The following PKHD1 variants were observed in gnomAD, a reference collection of about 807,000 sequenced individuals.
PKHD1 encodes PKHD1 ciliary IPT domain containing fibrocystin/polyductin, also known as fibrocystin.
In PKHD1, 291 loss-of-function variants were observed where a neutral mutation model predicts 412.0. That is an observed-to-expected ratio of 0.71 (90% CI 0.64 to 0.78). PKHD1 has a LOEUF of 0.78. Ranked by LOEUF, PKHD1 falls within the 30% of genes least tolerant of loss-of-function variation. The pLI is 0.00. For synonymous variants in PKHD1, 1,777 were observed against 1,821.5 expected (o/e 0.98, Z 0.62); for missense variants, 4,825 against 4,950.7 (o/e 0.97, Z 0.76).
chr6:52,055,220 AT>A (rs112991844), intron 19 of PKHD1, among the ~76,000 whole-genome samples: 13 of 152,332 alleles, frequency 8.5e-5, no homozygotes, highest in African/African-American at 2.6e-4. Context: ...AGATGAGTAA[AT>A]GAAGGCATAC....
intron 60 of PKHD1, among the ~76,000 whole-genome samples, chr6:51,716,381 T>C (rs1408460438): frequency 6.6e-6 from 1 of 152,186 alleles, no homozygotes; most frequent in Non-Finnish European, 1.5e-5. Context: ...CATTATCAAC[T>C]TTAAAAAGCT....
intron 52 of PKHD1, among the ~76,000 whole-genome samples, chr6:51,792,009 T>C (rs1241229471): frequency 6.6e-6 from 1 of 152,218 alleles, no homozygotes; most frequent in Non-Finnish European, 1.5e-5. Flanking sequence ...TGGTGCATGC[T>C]TAATAAACGC....
chr6:51,813,580 C>T (rs1277189088), intron 52 of PKHD1, among the ~76,000 whole-genome samples: 3 of 151,940 alleles, frequency 2.0e-5, no homozygotes, highest in Admixed American at 1.3e-4. Flanking sequence ...TTGTGGCCTT[C>T]TGATTTTAAC....
chr6:51,891,960 G>A (rs1779192775), intron 43 of PKHD1, among the ~76,000 whole-genome samples: 1 of 152,120 alleles, frequency 6.6e-6, no homozygotes, highest in African/African-American at 2.4e-5. Context: ...GGTCAGGGAG[G>A]CCAGCACATA....
chr6:51,862,925 A>C (rs1293457838), intron 48 of PKHD1, among the ~76,000 whole-genome samples: 1 of 152,190 alleles, frequency 6.6e-6, no homozygotes, highest in Non-Finnish European at 1.5e-5. Flanking sequence ...TACATTACCT[A>C]ATTCCCTTGC....
intron 5 of PKHD1, among the ~76,000 whole-genome samples, chr6:52,078,655 T>C (rs530062331): frequency 1.3e-5 from 2 of 152,196 alleles, no homozygotes; most frequent in Non-Finnish European, 2.9e-5. Flanking sequence ...TTGTTTTCTT[T>C]CATGTGCAAT....
chr6:51,844,781 C>A (rs905644629), intron 50 of PKHD1, among the ~76,000 whole-genome samples: 15 of 152,136 alleles, frequency 9.9e-5, no homozygotes, highest in Non-Finnish European at 2.1e-4. Context: ...GTCAGTGAAG[C>A]AGCACTCTGA....
chr6:51,632,170 C>T (rs1311894714), intron 65 of PKHD1, among the ~76,000 whole-genome samples: 1 of 151,990 alleles, frequency 6.6e-6, no homozygotes, highest in Non-Finnish European at 1.5e-5. Context: ...TCTCGAAATC[C>T]TAACCTCAGG....
Position 51,885,854 on chromosome 6 carries a change from C to T in PKHD1, c.7215+13G>A. On this transcript the variant is annotated intron_variant, in intron 45 of 66. Transcript: ENST00000371117. ...AAAACAACAACAATAACAACAACAA[C>T]AAAAAAGCTTACCTGGGCACCACCT... The T allele has an allele frequency of 2.6e-6, 4 of 1,552,730 alleles. No individual in the cohort carries two copies. The highest frequency in any genetic ancestry group is 2.7e-6 in the Non-Finnish European group (3 of 1,126,406).
intron 49 of PKHD1, among the ~76,000 whole-genome samples, chr6:51,849,281 T>G (rs1375208196): frequency 6.6e-6 from 1 of 152,214 alleles, no homozygotes; most frequent in Non-Finnish European, 1.5e-5. Context: ...ATGTACCACA[T>G]TTTCTTTATC....
chr6:51,659,849 T>G lies in PKHD1; in HGVS notation c.10277A>C (p.Lys3426Thr). 6.2e-7 allele frequency: 1 copy of G among 1,613,860 alleles called. No individual in the cohort carries two copies. The highest frequency in any genetic ancestry group is 8.5e-7 in the Non-Finnish European group (1 of 1,179,858). Residue 3426 changes from lysine (K) to threonine (T), a missense_variant, in exon 61 of 67, where the codon AAG becomes ACG. Coordinates refer to ENST00000371117, the MANE Select transcript of PKHD1 (RefSeq NM_138694.4). ...AGTCACAGATACAACTGGATATAACTTCTGAATTGCCCAAATGGCATCAGC... is the reference window on the plus strand; with the variant it reads ...AGTCACAGATACAACTGGATATAACGTCTGAATTGCCCAAATGGCATCAGC... Reference protein sequence around the residue: ...DSADAIWAIQKLYPVVSVTSG... With the variant: ...DSADAIWAIQTLYPVVSVTSG...
intron 35 of PKHD1, among the ~76,000 whole-genome samples, chr6:52,004,848 C>T (rs1423689990): frequency 1.3e-5 from 2 of 152,142 alleles, no homozygotes; most frequent in Non-Finnish European, 2.9e-5. Flanking sequence ...ACTCCCAGTA[C>T]CTTAGAGGCT....
At chr6:51,667,139 G>A (rs1472490376) in intron 60 of PKHD1, among the ~76,000 whole-genome samples, 1 of 146,174 alleles carries the variant, frequency 6.8e-6, no homozygotes, top group Non-Finnish European at 1.5e-5. Context: ...CACAATGGTT[G>A]AACTAGTTTA....
intron 60 of PKHD1, among the ~76,000 whole-genome samples, chr6:51,700,219 T>G (rs1029724416): frequency 6.6e-6 from 1 of 151,862 alleles, no homozygotes; most frequent in Non-Finnish European, 1.5e-5. Context: ...ACAAGAAACT[T>G]TGATTCCAAG....
chr6:51,925,485 A>G (rs1269131387), intron 37 of PKHD1, among the ~76,000 whole-genome samples: 2 of 140,414 alleles, frequency 1.4e-5, no homozygotes, highest in Admixed American at 1.4e-4. Context: ...GTGTGTAGGT[A>G]TTTCTAACGT....
In PKHD1 at chr6:51,912,391, C is replaced by T; in HGVS notation, c.6307G>A (p.Asp2103Asn). Residue 2103 changes from aspartate to asparagine, a missense_variant, in exon 38 of 67, where the codon GAC becomes AAC. Coordinates refer to ENST00000371117, the MANE Select transcript of PKHD1 (RefSeq NM_138694.4). ...IVTVETVQDTDLYLKSPLRYS... is the reference protein window; with the variant it reads ...IVTVETVQDTNLYLKSPLRYS... Reference sequence around the variant, plus strand: ...CTCAAAGGTGACTTAAGATAGAGGTCTGTATCCTGCACAGTTTCCACAGTG... The same window carrying T: ...CTCAAAGGTGACTTAAGATAGAGGTTTGTATCCTGCACAGTTTCCACAGTG... The T allele has an allele frequency of 6.2e-7, 1 of 1,612,322 alleles. No homozygotes were observed. The highest frequency in any genetic ancestry group is 8.5e-7 in the Non-Finnish European group (1 of 1,178,536).
At chr6:51,895,243 C>G (rs1583240672) in intron 43 of PKHD1, among the ~76,000 whole-genome samples, 1 of 152,270 alleles carries the variant, frequency 6.6e-6, no homozygotes, top group Admixed American at 6.5e-5. Flanking sequence ...CACTTGAGAC[C>G]AAGAGTTTGA....
chr6:51,669,290 G>A (rs959641113), intron 60 of PKHD1, among the ~76,000 whole-genome samples: 9 of 152,232 alleles, frequency 5.9e-5, no homozygotes, highest in South Asian at 2.1e-4. Context: ...TGTATGTGTC[G>A]AGGAATTTAT....
At chr6:52,073,664 T>G in intron 6 of PKHD1, 123 bp from the exon 7 acceptor site, 1 of 685,798 alleles carries the variant, frequency 1.5e-6, no homozygotes, top group South Asian at 1.6e-5. Flanking sequence ...GCCCAGAAAA[T>G]TAATACTTTT....
Sources: gnomAD v4.1 joint callset for allele counts (sites outside exome capture counted in the v4.1 genomes callset) on GRCh38, gnomAD v4.1.1 for gene constraint, MANE v1.5 for transcripts, NCBI Gene and HGNC (gene_info 2026-07-23, HGNC 2026-07-21) for gene names.